CHRM3: variants seen among roughly 807,000 people sequenced by gnomAD.
CHRM3 encodes cholinergic receptor muscarinic 3.
CHRM3 carries 11 observed loss-of-function variants against 41.8 expected under a neutral mutation model. The observed-to-expected ratio is 0.26, with a 90% CI of 0.17 to 0.44. The LOEUF (loss-of-function observed/expected upper bound fraction) is 0.44. Among genes scored for constraint, CHRM3 ranks in the 20% least tolerant of loss-of-function variants. The pLI is 1.00. For synonymous variants in CHRM3, 297 were observed against 301.4 expected (o/e 0.99, Z 0.15); for missense variants, 571 against 745.4 (o/e 0.77, Z 2.72).
intron 3 of CHRM3, among the ~76,000 whole-genome samples, chr1:239,620,486 A>AT (rs1436905898): frequency 6.6e-6 from 1 of 152,152 alleles, no homozygotes; most frequent in Non-Finnish European, 1.5e-5. Flanking sequence ...AGGTAGATAG[A>AT]TAAGAGATAG....
intron 3 of CHRM3, among the ~76,000 whole-genome samples, chr1:239,563,666 G>A (rs80176775): frequency 0.034 from 5,135 of 152,224 alleles, 296 homozygotes; most frequent in African/African-American, 0.12. Context: ...TGTGAATTTA[G>A]TTAAAGAGAT....
intron 5 of CHRM3, among the ~76,000 whole-genome samples, chr1:239,792,919 G>A (rs368017340): frequency 2.6e-5 from 4 of 152,218 alleles, no homozygotes; most frequent in African/African-American, 7.2e-5. Context: ...CAGATGCTGT[G>A]AAATAGAAAA....
chr1:239,456,876 G>C (rs1432123454), intron 1 of CHRM3, among the ~76,000 whole-genome samples: 5 of 152,192 alleles, frequency 3.3e-5, no homozygotes, highest in Admixed American at 3.3e-4. Flanking sequence ...CCACTGTACT[G>C]ACCCAAGTAT....
chr1:239,516,889 G>A (rs1669309377), intron 2 of CHRM3, among the ~76,000 whole-genome samples: 1 of 152,054 alleles, frequency 6.6e-6, no homozygotes, highest in Non-Finnish European at 1.5e-5. Flanking sequence ...ACGTGCAAAG[G>A]ATCTAGGTTG....
chr1:239,899,400 C>G (rs564264017), intron 6 of CHRM3, among the ~76,000 whole-genome samples: 79 of 125,530 alleles, frequency 6.3e-4, no homozygotes, highest in African/African-American at 2.6e-3. Flanking sequence ...TATACATATA[C>G]ACACATATAC....
intron 6 of CHRM3, among the ~76,000 whole-genome samples, chr1:239,872,502 A>C (rs1251748134): frequency 1.3e-5 from 2 of 152,132 alleles, no homozygotes; most frequent in Non-Finnish European, 2.9e-5. Context: ...CCCAACCCGA[A>C]ATCAGCACCA....
rs768922349 is a variant in CHRM3, at chr1:239,908,665, C to T, written c.1214C>T (p.Ala405Val). ...ELGMVDLERK[A>V]DKLQAQKSVD... ...GGGATGGTGGACTTGGAGAGGAAAGCCGACAAGCTGCAGGCCCAGAAGAGC... is the reference window on the plus strand; with the variant it reads ...GGGATGGTGGACTTGGAGAGGAAAGTCGACAAGCTGCAGGCCCAGAAGAGC... Residue 405 changes from alanine to valine, a missense_variant, in exon 7 of 7, where the codon GCC (alanine) becomes GTC (valine). By Grantham distance (64) the Ala-to-Val change is moderately conservative (BLOSUM62 0). Coordinates refer to ENST00000676153, the MANE Select transcript of CHRM3 (RefSeq NM_001375978.1). This position sits in a 1 kb window ranked among gnomAD's most constrained non-coding sequence, Gnocchi z 7.2. 1.2e-6 allele frequency: 2 copies of T among 1,612,648 alleles called. No homozygotes were observed. Among genetic ancestry groups the T allele is most frequent in the African/African-American group, 2.7e-5 (2 of 74,996 alleles).
intron 5 of CHRM3, among the ~76,000 whole-genome samples, chr1:239,780,864 GT>G (rs1668463708): frequency 6.6e-6 from 1 of 152,018 alleles, no homozygotes; most frequent in Non-Finnish European, 1.5e-5. Flanking sequence ...CGTTCCAGTT[GT>G]GGAAAAGCTA....
intron 5 of CHRM3, among the ~76,000 whole-genome samples, chr1:239,732,161 C>T (rs1664020332): frequency 1.3e-5 from 2 of 151,932 alleles, no homozygotes. Flanking sequence ...GTCTCTAAAA[C>T]ACATAACATT....
intron 1 of CHRM3, among the ~76,000 whole-genome samples, chr1:239,388,704 G>T (rs1658754615): frequency 6.6e-6 from 1 of 152,194 alleles, no homozygotes; most frequent in Admixed American, 6.5e-5. Context: ...ACGAGGTGTT[G>T]AGTGCACCCT....
At chr1:239,490,122 A>G (rs1384125015) in intron 1 of CHRM3, among the ~76,000 whole-genome samples, 1 of 152,250 alleles carries the variant, frequency 6.6e-6, no homozygotes, top group East Asian at 1.9e-4. Flanking sequence ...GTACGAGTAC[A>G]TAGTAAGTGC....
chr1:239,535,871 G>T (rs941816179), intron 2 of CHRM3, among the ~76,000 whole-genome samples: 1 of 152,050 alleles, frequency 6.6e-6, no homozygotes, highest in Non-Finnish European at 1.5e-5. Flanking sequence ...CTGAGCTGTC[G>T]GGTACAGGGT....
At chr1:239,536,155 T>A (rs1444333006) in intron 2 of CHRM3, among the ~76,000 whole-genome samples, 1 of 152,194 alleles carries the variant, frequency 6.6e-6, no homozygotes, top group African/African-American at 2.4e-5. Flanking sequence ...ATGTGGCTTA[T>A]CTTCATGGTT....
At chr1:239,492,074 A>T (rs1300458479) in intron 1 of CHRM3, among the ~76,000 whole-genome samples, 1 of 152,210 alleles carries the variant, frequency 6.6e-6, no homozygotes, top group Non-Finnish European at 1.5e-5. Flanking sequence ...ACTCTCAAGG[A>T]TATCAAGATG....
intron 3 of CHRM3, among the ~76,000 whole-genome samples, chr1:239,580,253 C>G: frequency 8.1e-6 from 1 of 124,100 alleles, no homozygotes; most frequent in Non-Finnish European, 1.6e-5. Flanking sequence ...GGAAAATACA[C>G]ACTGTCACAC....
At chr1:239,615,091 G>A (rs1448240489) in intron 3 of CHRM3, among the ~76,000 whole-genome samples, 1 of 152,162 alleles carries the variant, frequency 6.6e-6, no homozygotes, top group Non-Finnish European at 1.5e-5. Flanking sequence ...AAGGATGCGG[G>A]AGGTCAGGCT....
chr1:239,413,086 A>T (rs982632006), intron 1 of CHRM3, among the ~76,000 whole-genome samples: 5 of 48,648 alleles, frequency 1.0e-4, no homozygotes, highest in Non-Finnish European at 7.9e-5. Context: ...CAAAAAACAA[A>T]AACAAAAATG....
intron 5 of CHRM3, among the ~76,000 whole-genome samples, chr1:239,823,419 C>G (rs907755386): frequency 2.0e-5 from 3 of 152,034 alleles, no homozygotes; most frequent in African/African-American, 4.8e-5. Context: ...ATCAATTCCC[C>G]CAGCCTTGGT....
chr1:239,695,773 T>C (rs1428001419), intron 5 of CHRM3, among the ~76,000 whole-genome samples: 3 of 152,314 alleles, frequency 2.0e-5, no homozygotes, highest in African/African-American at 2.4e-5. Flanking sequence ...AAATTTTCAT[T>C]AGTTTTGAAA....
Sources: allele counts gnomAD v4.1 joint callset (sites outside exome capture counted in the v4.1 genomes callset), GRCh38; gene constraint gnomAD v4.1.1; non-coding constraint Gnocchi (gnomAD v3.1); transcripts MANE v1.5; gene names NCBI Gene and HGNC (gene_info 2026-07-23, HGNC 2026-07-21).